Variants in XPO7 observed in about 807,000 individuals in gnomAD.
XPO7 encodes exportin-7.
A neutral mutation model predicts 144.3 loss-of-function variants in XPO7; 21 were observed. The ratio of observed to expected loss-of-function variants is 0.15; its 90% CI spans 0.10 to 0.21. The LOEUF (loss-of-function observed/expected upper bound fraction) is 0.21. Ranked by LOEUF, XPO7 falls within the 10% of genes least tolerant of loss-of-function variation. XPO7 has a pLI of 1.00. For synonymous variants in XPO7, 580 were observed against 499.6 expected (o/e 1.16, Z -2.15); for missense variants, 808 against 1,325.8 (o/e 0.61, Z 6.06).
Position 22,005,176 on chromosome 8 carries a change from A to C in XPO7, c.*88A>C. 1 of 1,116,770 alleles carries C rather than the reference A, an allele frequency of 9.0e-7. No individual in the cohort carries two copies. Among genetic ancestry groups the C allele is most frequent in the Non-Finnish European group, 1.3e-6 (1 of 787,134 alleles). 69.2% of individuals were successfully genotyped at this position (1,116,770 alleles called of 1,614,324 possible). ...AATTGCAAGGGAGAGGGCCTGGCTG[A>C]TCCTGGCTCTTTTCTCCAGGGGTGT... On this transcript the variant is annotated 3_prime_UTR_variant, in exon 28 of 28. Coordinates refer to ENST00000252512, the MANE Select transcript of XPO7 (RefSeq NM_015024.5).
intron 1 of XPO7, among the ~76,000 whole-genome samples, chr8:21,941,337 A>T (rs1362579947): frequency 6.6e-6 from 1 of 151,754 alleles, no homozygotes; most frequent in African/African-American, 2.4e-5. Flanking sequence ...TTTTTTTTAG[A>T]GATGGGGTCT....
intron 21 of XPO7, among the ~76,000 whole-genome samples, chr8:21,998,506 G>A (rs1445445798): frequency 6.6e-6 from 1 of 152,068 alleles, no homozygotes; most frequent in Admixed American, 6.6e-5. Flanking sequence ...TTTATCTACT[G>A]CTGCTTTTTT....
intron 10 of XPO7, 147 bp from the exon 11 acceptor site, chr8:21,982,493 T>G: frequency 1.2e-6 from 1 of 849,872 alleles, no homozygotes; most frequent in Non-Finnish European, 1.7e-6. Context: ...CACATTAAAC[T>G]AGATGCCATA....
chr8:21,938,131 GTCT>G (rs1563312803), intron 1 of XPO7, among the ~76,000 whole-genome samples: 1 of 152,120 alleles, frequency 6.6e-6, no homozygotes, highest in Non-Finnish European at 1.5e-5. Context: ...CCTCAGGGTT[GTCT>G]TCTTGTGCAA....
intron 1 of XPO7, among the ~76,000 whole-genome samples, chr8:21,954,237 T>TAA (rs1811463192): frequency 6.6e-6 from 1 of 152,212 alleles, no homozygotes; most frequent in Non-Finnish European, 1.5e-5. Flanking sequence ...CTACTATATA[T>TAA]AACGCAGTGT....
rs1170745700 is a variant in XPO7 at position 21,966,850 on chromosome 8, T to C, written c.19-7T>C. 1 of 1,610,086 alleles carries C rather than the reference T, an allele frequency of 6.2e-7. No homozygotes were observed. Among genetic ancestry groups the C allele is most frequent in the Non-Finnish European group, 8.5e-7 (1 of 1,177,508 alleles). On this transcript the variant is annotated splice_region_variant and splice_polypyrimidine_tract_variant and intron_variant, in intron 1 of 27. Coordinates refer to ENST00000252512, the MANE Select transcript of XPO7 (RefSeq NM_015024.5). Reference sequence around the variant, plus strand: ...AACTGTTTTCTTTCCTGACTGATCTTTTCCAGAGCCTGGCCCAACTAGAGA... The same window carrying C: ...AACTGTTTTCTTTCCTGACTGATCTCTTCCAGAGCCTGGCCCAACTAGAGA...
chr8:21,991,995 G>C (rs748226703), intron 19 of XPO7, 21 bp downstream of exon 19: 1 of 1,587,948 alleles, frequency 6.3e-7, no homozygotes, highest in Non-Finnish European at 8.6e-7. Context: ...CTTTCACCCA[G>C]TAATTAATCA....
At chr8:21,959,083 C>T (rs1811636507) in intron 1 of XPO7, among the ~76,000 whole-genome samples, 1 of 152,100 alleles carries the variant, frequency 6.6e-6, no homozygotes, top group Non-Finnish European at 1.5e-5. Context: ...CAGAAGCACC[C>T]TGAGCGAATA....
chr8:21,936,511 T>C (rs1417746440), intron 1 of XPO7, among the ~76,000 whole-genome samples: 1 of 152,242 alleles, frequency 6.6e-6, no homozygotes, highest in Non-Finnish European at 1.5e-5. Context: ...TCTCCCAATT[T>C]TGATGACTCT....
chr8:21,950,297 T>G (rs1201244920), intron 1 of XPO7, among the ~76,000 whole-genome samples: 1 of 152,262 alleles, frequency 6.6e-6, no homozygotes, highest in Non-Finnish European at 1.5e-5. Flanking sequence ...ATCTCACTTG[T>G]TTCATAGACG....
intron 4 of XPO7, 45 bp downstream of exon 4, chr8:21,970,355 TATAC>T: frequency 7.8e-6 from 12 of 1,533,564 alleles, no homozygotes; most frequent in Non-Finnish European, 9.7e-6. Flanking sequence ...AGAACCAGCA[TATAC>T]ATATATATAA....
At chr8:21,928,718 T>C (rs536669496) in intron 1 of XPO7, among the ~76,000 whole-genome samples, 1 of 152,374 alleles carries the variant, frequency 6.6e-6, no homozygotes, top group Non-Finnish European at 1.5e-5. Flanking sequence ...TGTTTTTGTA[T>C]GGCCTGCACC....
At chr8:21,973,396 A>G (rs1033222575) in intron 5 of XPO7, among the ~76,000 whole-genome samples, 11 of 152,328 alleles carry the variant, frequency 7.2e-5, no homozygotes, top group South Asian at 2.1e-4. Context: ...GTTATGATCA[A>G]TATAACAGAT....
chr8:21,920,283 A>T (rs1421411021), intron 1 of XPO7, among the ~76,000 whole-genome samples: 2 of 151,974 alleles, frequency 1.3e-5, no homozygotes, highest in Admixed American at 1.3e-4. Context: ...CACGCCCCGG[A>T]ATACGAGAGA....
chr8:21,939,867 C>T (rs1014567998), intron 1 of XPO7, among the ~76,000 whole-genome samples: 2 of 152,168 alleles, frequency 1.3e-5, no homozygotes, highest in Non-Finnish European at 2.9e-5. Flanking sequence ...ATGTAATTAG[C>T]AAACATTTAG....
chr8:21,980,689 C>T (rs923385223), intron 9 of XPO7, among the ~76,000 whole-genome samples: 20 of 151,514 alleles, frequency 1.3e-4, no homozygotes, highest in African/African-American at 4.9e-4. Context: ...GCAGGAGAAT[C>T]GCTTGAACCC....
chr8:21,953,977 T>C (rs1811454702), intron 1 of XPO7, among the ~76,000 whole-genome samples: 1 of 152,242 alleles, frequency 6.6e-6, no homozygotes, highest in South Asian at 2.1e-4. Context: ...GCAAATTAGA[T>C]TCTGTTTGTA....
rs56271814 is a variant in XPO7 at position 21,982,475 on chromosome 8, C to T, written c.1105-165C>T. The stretch of plus-strand genomic sequence containing the variant: ...CATTAGATGCTTAATCTTGAAAATA[C>T]TAATAAACACATTAAACTAGATGCC... On this transcript the variant is annotated intron_variant, in intron 10 of 27. Coordinates refer to ENST00000252512, the MANE Select transcript of XPO7 (RefSeq NM_015024.5). Among the ~76,000 whole-genome samples the T allele has an allele frequency of 6.7e-4, 102 of 152,114 alleles. 1 individual carries two copies. Among genetic ancestry groups the T allele is most frequent in the Non-Finnish European group, 1.2e-3 (83 of 68,004 alleles).
At position 22,002,104 on chromosome 8, in the gene XPO7, T is replaced by A; in HGVS notation, c.2783-8T>A. The A allele has an allele frequency of 6.2e-7, 1 of 1,605,110 alleles. No homozygotes were observed. The highest frequency in any genetic ancestry group is 8.5e-7 in the Non-Finnish European group (1 of 1,175,650). ...GCTCTGTCCTACCCCTGCCTTTCTT[T>A]CTTGCAGACACCATGGTATGCACAG... On this transcript the variant is annotated splice_polypyrimidine_tract_variant and splice_region_variant and intron_variant, in intron 24 of 27. Coordinates refer to ENST00000252512, the MANE Select transcript of XPO7 (RefSeq NM_015024.5).
Sources: gnomAD v4.1 joint callset for allele counts (sites outside exome capture counted in the v4.1 genomes callset) on GRCh38, gnomAD v4.1.1 for gene constraint, MANE v1.5 for transcripts, NCBI Gene and HGNC (gene_info 2026-07-23, HGNC 2026-07-21) for gene names.